The following OLFM2 variants were observed in gnomAD, a reference collection of about 807,000 sequenced individuals.
The protein encoded by OLFM2 is olfactomedin 2.
Under a neutral mutation model 43.9 loss-of-function variants are expected in OLFM2, and 20 were observed. The ratio of observed to expected loss-of-function variants is 0.46; its 90% CI spans 0.32 to 0.66. OLFM2 has a LOEUF of 0.66. OLFM2 is among the 30% of genes least tolerant of loss of function. The pLI is 0.04. For synonymous variants in OLFM2, 268 were observed against 278.6 expected, an observed-to-expected ratio of 0.96 and a Z score of 0.38; for missense variants, 416 against 643.6, an observed-to-expected ratio of 0.65 and a Z score of 3.83.
At chr19:9,913,673 CCGCGGGG>C (rs1331800607) in intron 1 of OLFM2, 2 of 1,126,934 alleles carry the variant, frequency 1.8e-6, no homozygotes, top group Non-Finnish European at 2.2e-6. Context: ...CTCTGGCCCG[CCGCGGGG>C]CGCTCGGTCC....
chr19:9,904,272 C>A (rs895059755), intron 1 of OLFM2, among the ~76,000 whole-genome samples: 3 of 151,114 alleles, frequency 2.0e-5, no homozygotes, highest in Non-Finnish European at 4.4e-5. Context: ...CTCTATGCAA[C>A]CTCCGCCTCC....
chr19:9,896,152 G>A (rs1218646432), intron 1 of OLFM2, among the ~76,000 whole-genome samples: 10 of 139,388 alleles, frequency 7.2e-5, no homozygotes, highest in Non-Finnish European at 1.4e-4. Flanking sequence ...GCTGGATGGA[G>A]TGCAGTGGCG....
chr19:9,896,095 T>A (rs866554484), intron 1 of OLFM2, among the ~76,000 whole-genome samples: 17 of 53,366 alleles, frequency 3.2e-4, no homozygotes, highest in African/African-American at 8.7e-4. Context: ...ATTTTAATTT[T>A]TTTTTTTTTT....
intron 1 of OLFM2, among the ~76,000 whole-genome samples, chr19:9,888,859 G>A (rs2046612741): frequency 6.6e-6 from 1 of 152,140 alleles, no homozygotes; most frequent in Non-Finnish European, 1.5e-5. Flanking sequence ...AAGGTCAGGA[G>A]ATCGAGACCA....
In OLFM2 at chr19:9,854,084, TGACAGA is replaced by T. The variant is rs2046292841; in HGVS notation, c.*96_*101del. ...AGCAAAAAGGCGGGGAGAAAGGGCGTGACAGAGACAGAGAGATCACCCTTGAGGGAC... is the reference window on the plus strand; with the variant it reads ...AGCAAAAAGGCGGGGAGAAAGGGCGTGACAGAGAGATCACCCTTGAGGGAC... On this transcript the variant is annotated 3_prime_UTR_variant, in exon 6 of 6. Coordinates refer to ENST00000264833, the MANE Select transcript of OLFM2 (RefSeq NM_058164.4). The surrounding 1 kb of genome is among the most constrained non-coding windows in gnomAD (Gnocchi z 9.5). The T allele has an allele frequency of 1.9e-6, 2 of 1,056,210 alleles. No homozygotes were observed. The highest frequency in any genetic ancestry group is 2.6e-5 in the East Asian group (1 of 38,998). 65.4% of individuals were successfully genotyped at this position (1,056,210 alleles called of 1,614,324 possible). A position where few individuals can be genotyped will look rare whatever the true frequency, so the allele number is the denominator to read the frequency against.
At chr19:9,872,829 C>T (rs1340833712) in intron 1 of OLFM2, among the ~76,000 whole-genome samples, 1 of 152,104 alleles carries the variant, frequency 6.6e-6, no homozygotes, top group Admixed American at 6.6e-5. Context: ...CGTATTCATT[C>T]ATCCAACCAT....
At chr19:9,871,729 G>A (rs892369683) in intron 1 of OLFM2, among the ~76,000 whole-genome samples, 1 of 152,156 alleles carries the variant, frequency 6.6e-6, no homozygotes, top group African/African-American at 2.4e-5. Flanking sequence ...CCATTAGGAG[G>A]GCCTCACGGG....
chr19:9,921,426 G>A (rs913358928), intron 1 of OLFM2, among the ~76,000 whole-genome samples: 1 of 151,690 alleles, frequency 6.6e-6, no homozygotes, highest in Non-Finnish European at 1.5e-5. Flanking sequence ...GCTAGGCAAA[G>A]GTTTTTAAAA....
In OLFM2 at chr19:9,860,778, G is replaced by A. The variant is rs375695569; in HGVS notation, c.80C>T (p.Pro27Leu). The change falls in exon 2 of 6, where the codon CCA becomes CTA. Residue 27 changes from proline (P) to leucine (L), a missense_variant. Pro to Leu is a moderately conservative substitution (Grantham distance 98, BLOSUM62 -3). Coordinates refer to ENST00000264833, the MANE Select transcript of OLFM2 (RefSeq NM_058164.4). ...GLAGQTLFQN[P>L]EEGWQLYTSA... ...GGTGTACAGCTGCCAGCCCTCTTCT[G>A]GGTTCTGGAAGAGAGTCTGCAAAGA... The A allele has an allele frequency of 3.1e-6, 5 of 1,608,052 alleles. No individual in the cohort carries two copies. The East Asian group carries it at 8.9e-5, about 29-fold the overall frequency.
At chr19:9,864,151 G>C (rs115091565) in intron 1 of OLFM2, among the ~76,000 whole-genome samples, 1 of 152,174 alleles carries the variant, frequency 6.6e-6, no homozygotes, top group Admixed American at 6.5e-5. Flanking sequence ...ACAGGCATTC[G>C]TGATTAATAC....
At chr19:9,871,295 G>A (rs564949812) in intron 1 of OLFM2, among the ~76,000 whole-genome samples, 2 of 149,010 alleles carry the variant, frequency 1.3e-5, no homozygotes, top group Non-Finnish European at 3.0e-5. Flanking sequence ...ATAAAATTCC[G>A]GGTGCTGTGG....
intron 1 of OLFM2, among the ~76,000 whole-genome samples, chr19:9,904,152 TTGTGTGTGTGTGTGTGTGTGTGTGTGTG>T (rs56281493): frequency 7.9e-6 from 1 of 127,162 alleles, no homozygotes; most frequent in Non-Finnish European, 1.6e-5. Context: ...TGAGTATTGT[TTGTGTGTGTGTGTGTGTGTGTGTGTGTG>T]TGTGTGTGTG....
Position 9,854,072 on chromosome 19 carries a change from G to T in OLFM2, c.*114C>A. 1.1e-6 allele frequency: 1 copy of T among 925,812 alleles called. No individual in the cohort carries two copies. Among genetic ancestry groups the T allele is most frequent in the Non-Finnish European group, 1.6e-6 (1 of 607,464 alleles). 57.3% of individuals were successfully genotyped at this position (925,812 alleles called of 1,614,324 possible). A position where few individuals can be genotyped will look rare whatever the true frequency, so the allele number is the denominator to read the frequency against. ...GAACAAAAGCCCAGCAAAAAGGCGG[G>T]GAGAAAGGGCGTGACAGAGACAGAG... is the stretch of plus-strand genomic sequence containing the variant. On this transcript the variant is annotated 3_prime_UTR_variant, in exon 6 of 6. Coordinates refer to ENST00000264833, the MANE Select transcript of OLFM2 (RefSeq NM_058164.4). This position sits in a 1 kb window ranked among gnomAD's most constrained non-coding sequence, Gnocchi z 9.5.
At position 9,926,060 on chromosome 19, in the gene OLFM2, C is replaced by G. The variant is rs566571365; in HGVS notation, c.63+10244G>C. Among the ~76,000 whole-genome samples, 21 of 151,772 alleles carry G rather than the reference C, an allele frequency of 1.4e-4. No homozygotes were observed. In the South Asian group the frequency reaches 4.2e-3, roughly 30 times the overall value. On this transcript the variant is annotated intron_variant, in intron 1 of 5. Transcript: ENST00000264833. Reference sequence around the variant, plus strand: ...GCTGAGGTGGAAGGATCCCTGGAGCCCAGGAGATAGAGGTTGCAGCGAGCT... The same window carrying G: ...GCTGAGGTGGAAGGATCCCTGGAGCGCAGGAGATAGAGGTTGCAGCGAGCT...
At chr19:9,874,791 T>C (rs892631585) in intron 1 of OLFM2, among the ~76,000 whole-genome samples, 5 of 152,168 alleles carry the variant, frequency 3.3e-5, no homozygotes, top group African/African-American at 1.2e-4. Flanking sequence ...TTTTATTTTA[T>C]TTTTTAGAGA....
At position 9,857,244 on chromosome 19, in the gene OLFM2, G is replaced by A. The variant is rs1415477229; in HGVS notation, c.580+19C>T. ...TGGCAGTCAGAGATCAGGGGTCAGG[G>A]TCAAGGGCCAAGGCATACCCAGCTT... On this transcript the variant is annotated intron_variant, in intron 4 of 5. Coordinates refer to ENST00000264833, the MANE Select transcript of OLFM2 (RefSeq NM_058164.4). The surrounding 1 kb of genome is among the most constrained non-coding windows in gnomAD (Gnocchi z 5.7). The A allele has an allele frequency of 2.5e-6, 4 of 1,609,746 alleles. No individual in the cohort carries two copies. Among genetic ancestry groups the A allele is most frequent in the South Asian group, 2.2e-5 (2 of 91,012 alleles).
chr19:9,860,564 C>G, intron 2 of OLFM2, 81 bp downstream of exon 2: 1 of 1,491,844 alleles, frequency 6.7e-7, no homozygotes, highest in Non-Finnish European at 9.1e-7. Flanking sequence ...TGGCCACTGG[C>G]TGACCTGGAT....
Position 9,908,552 on chromosome 19 carries a change from C to G in OLFM2, c.63+27752G>C, listed in dbSNP as rs149876229. On this transcript the variant is annotated intron_variant, in intron 1 of 5. Transcript: ENST00000264833. The stretch of plus-strand genomic sequence containing the variant: ...GAAGTGCAGTGATGCAATCTCGGCT[C>G]ACTGCGAGCTCCACCTCCTGGGTTC... Among the ~76,000 whole-genome samples, 840 of 145,444 alleles carry G rather than the reference C, an allele frequency of 5.8e-3. 3 individuals are homozygous for G. Among genetic ancestry groups the G allele is most frequent in the Non-Finnish European group, 7.4e-3 (496 of 66,848 alleles).
At chr19:9,876,750 G>A (rs560474881) in intron 1 of OLFM2, among the ~76,000 whole-genome samples, 1 of 152,202 alleles carries the variant, frequency 6.6e-6, no homozygotes, top group African/African-American at 2.4e-5. Flanking sequence ...CCCCCAGTTA[G>A]AGTATATAGC....
Sources: allele counts gnomAD v4.1 joint callset (sites outside exome capture counted in the v4.1 genomes callset), GRCh38; gene constraint gnomAD v4.1.1; non-coding constraint Gnocchi (gnomAD v3.1); transcripts MANE v1.5; gene names NCBI Gene and HGNC (gene_info 2026-07-23, HGNC 2026-07-21).